Variants in ADAMTS17 observed in about 807,000 individuals in gnomAD.
The protein encoded by ADAMTS17 is ADAM metallopeptidase with thrombospondin type 1 motif 17.
A neutral mutation model predicts 141.5 loss-of-function variants in ADAMTS17; 113 were observed. The ratio of observed to expected loss-of-function variants is 0.80; its 90% CI spans 0.69 to 0.93. The LOEUF (loss-of-function observed/expected upper bound fraction) is 0.93. Among genes scored for constraint, ADAMTS17 ranks in the 40% least tolerant of loss-of-function variants. ADAMTS17 has a pLI of 0.00. For missense variants in ADAMTS17, 1,659 were observed against 1,517.9 expected, an observed-to-expected ratio of 1.09 and a Z score of -1.54; for synonymous variants, 768 against 630.6, an observed-to-expected ratio of 1.22 and a Z score of -3.27.
intron 7 of ADAMTS17, among the ~76,000 whole-genome samples, chr15:100,222,739 T>C (rs1187972481): frequency 1.3e-5 from 2 of 152,242 alleles, no homozygotes; most frequent in Admixed American, 1.3e-4. Context: ...CTCTGCAGTA[T>C]GGCAGACACT....
chr15:100,262,297 A>G, intron 5 of ADAMTS17, 55 bp downstream of exon 5: 1 of 1,518,816 alleles, frequency 6.6e-7, no homozygotes, highest in Non-Finnish European at 9.1e-7. Flanking sequence ...GCAGTTGAGA[A>G]GCTCCAGCCC....
At chr15:100,019,659 G>A (rs2061364420) in intron 18 of ADAMTS17, among the ~76,000 whole-genome samples, 1 of 152,192 alleles carries the variant, frequency 6.6e-6, no homozygotes, top group Admixed American at 6.5e-5. Context: ...AAAATCCAGA[G>A]TCTTACTGCA....
intron 18 of ADAMTS17, among the ~76,000 whole-genome samples, chr15:100,033,308 GA>G (rs903515207): frequency 8.6e-5 from 13 of 151,908 alleles, no homozygotes; most frequent in Non-Finnish European, 1.9e-4. Context: ...GAAGGGTTTG[GA>G]AAAAAAACTC....
chr15:100,166,349 T>A (rs1317924031), intron 8 of ADAMTS17, among the ~76,000 whole-genome samples: 1 of 152,130 alleles, frequency 6.6e-6, no homozygotes, highest in Admixed American at 6.6e-5. Flanking sequence ...CAGGCAATTC[T>A]CATTTTGCTT....
At chr15:100,099,144 C>T (rs7181360) in intron 14 of ADAMTS17, among the ~76,000 whole-genome samples, 58,771 of 152,002 alleles carry the variant, frequency 0.39, 13,044 homozygotes, top group African/African-American at 0.61. Flanking sequence ...ATGCATACAG[C>T]GTTGCCCTTT....
At chr15:100,166,197 A>T (rs948548918) in intron 8 of ADAMTS17, among the ~76,000 whole-genome samples, 2 of 152,192 alleles carry the variant, frequency 1.3e-5, no homozygotes, top group African/African-American at 4.8e-5. Flanking sequence ...GAAACCGTGA[A>T]TAAGATCTGC....
chr15:100,329,086 C>T (rs1446570526), intron 3 of ADAMTS17, among the ~76,000 whole-genome samples: 1 of 152,128 alleles, frequency 6.6e-6, no homozygotes, highest in Non-Finnish European at 1.5e-5. Context: ...AAGTGGTTCT[C>T]TGTGGGTGGG....
intron 3 of ADAMTS17, among the ~76,000 whole-genome samples, chr15:100,289,597 C>T (rs2044564159): frequency 6.6e-6 from 1 of 151,970 alleles, no homozygotes; most frequent in Non-Finnish European, 1.5e-5. Context: ...CCTTGATGAA[C>T]ACAGATGCAA....
At chr15:100,145,991 G>A (rs1195623409) in intron 10 of ADAMTS17, among the ~76,000 whole-genome samples, 1 of 152,150 alleles carries the variant, frequency 6.6e-6, no homozygotes, top group Non-Finnish European at 1.5e-5. Flanking sequence ...TAGCCAACAC[G>A]GTGGAACCCC....
chr15:100,258,095 C>T (rs1006088198), intron 6 of ADAMTS17, among the ~76,000 whole-genome samples: 1 of 152,216 alleles, frequency 6.6e-6, no homozygotes, highest in Admixed American at 6.5e-5. Flanking sequence ...ACATATACAG[C>T]ATATCTGTTT....
chr15:100,123,055 G>C (rs1211687883), intron 12 of ADAMTS17, among the ~76,000 whole-genome samples: 2 of 152,186 alleles, frequency 1.3e-5, no homozygotes, highest in Non-Finnish European at 2.9e-5. Context: ...AGAAGTTCTG[G>C]GGGAGGACTC....
At chr15:100,332,761 TG>T (rs2046094243) in intron 2 of ADAMTS17, among the ~76,000 whole-genome samples, 1 of 152,218 alleles carries the variant, frequency 6.6e-6, no homozygotes, top group Non-Finnish European at 1.5e-5. Flanking sequence ...GGCCCCCATG[TG>T]CTGGTTTCTA....
intron 4 of ADAMTS17, among the ~76,000 whole-genome samples, chr15:100,267,298 G>A (rs1360141137): frequency 3.3e-5 from 5 of 152,072 alleles, no homozygotes; most frequent in Admixed American, 3.3e-4. Flanking sequence ...TGTGGCGTGT[G>A]TGGGAATTTC....
At chr15:100,000,964 G>A (rs991585642) in intron 18 of ADAMTS17, among the ~76,000 whole-genome samples, 1 of 152,178 alleles carries the variant, frequency 6.6e-6, no homozygotes, top group South Asian at 2.1e-4. Flanking sequence ...AGAACAGACT[G>A]GTTTCTAGAA....
At chr15:100,080,874 T>C (rs908063413) in intron 15 of ADAMTS17, among the ~76,000 whole-genome samples, 1 of 152,232 alleles carries the variant, frequency 6.6e-6, no homozygotes, top group Non-Finnish European at 1.5e-5. Flanking sequence ...AGCTGTAGTA[T>C]GTTAGGGGTA....
intron 15 of ADAMTS17, among the ~76,000 whole-genome samples, chr15:100,077,118 A>G (rs2034430118): frequency 6.6e-6 from 1 of 151,770 alleles, no homozygotes; most frequent in African/African-American, 2.4e-5. Context: ...ATCAAATATG[A>G]TTTATGCTAG....
At chr15:100,276,361 G>C (rs1243837028) in intron 4 of ADAMTS17, among the ~76,000 whole-genome samples, 1 of 53,100 alleles carries the variant, frequency 1.9e-5, no homozygotes. Flanking sequence ...CCTGGTGGGA[G>C]GGAGTGGGTG....
intron 4 of ADAMTS17, among the ~76,000 whole-genome samples, chr15:100,262,998 G>A (rs935088932): frequency 6.6e-6 from 1 of 152,046 alleles, no homozygotes; most frequent in African/African-American, 2.4e-5. Context: ...TCATACACAC[G>A]TGTGCAAACA....
intron 3 of ADAMTS17, among the ~76,000 whole-genome samples, chr15:100,294,877 A>G (rs1265061969): frequency 2.0e-5 from 3 of 152,206 alleles, no homozygotes; most frequent in African/African-American, 7.2e-5. Flanking sequence ...AGGTGGGGAA[A>G]ATGAAAATCA....
Sources: allele counts gnomAD v4.1 joint callset (sites outside exome capture counted in the v4.1 genomes callset), GRCh38; gene constraint gnomAD v4.1.1; transcripts MANE v1.5; gene names NCBI Gene and HGNC (gene_info 2026-07-23, HGNC 2026-07-21).